The following ESRRG variants were observed in gnomAD, a reference collection of about 807,000 sequenced individuals.
ESRRG encodes estrogen related receptor gamma.
A neutral mutation model predicts 44.0 loss-of-function variants in ESRRG; 13 were observed. The ratio of observed to expected loss-of-function variants is 0.30; its 90% confidence interval spans 0.19 to 0.47. The LOEUF (loss-of-function observed/expected upper bound fraction) is 0.47, where lower values mean the gene tolerates loss of function less well. Among genes scored for constraint, ESRRG ranks in the 20% least tolerant of loss-of-function variants. The probability of loss-of-function intolerance (pLI) is 1.00; values close to 1 mark genes in which losing one functional copy is unlikely to be tolerated. For synonymous variants in ESRRG, 215 were observed against 214.6 expected (o/e 1.00, Z -0.02); for missense variants, 395 against 580.6 (o/e 0.68, Z 3.29).
chr1:216,889,894 A>G (rs11572531), intron 2 of ESRRG, among the ~76,000 whole-genome samples: 3,433 of 152,316 alleles, frequency 0.023, 52 homozygotes, highest in Non-Finnish European at 0.037. Context: ...TACTTTAACC[A>G]GGTTAAAAAT....
At position 217,062,136 on chromosome 1, in the gene ESRRG, A is replaced by G. The variant is rs149464725; in HGVS notation, c.-106+27371T>C. On this transcript the variant is annotated intron_variant, in intron 1 of 7. Coordinates refer to the ESRRG transcript ENST00000359162. ...AATCTCAAGCCCAAGTTAAGTGCCA[A>G]CTTAAAATGGATTCCCGAGACACCC... 1.9e-3 allele frequency among the ~76,000 whole-genome samples: 296 copies of G among 152,290 alleles called. 1 individual carries two copies. The highest frequency in any genetic ancestry group is 6.9e-3 in the African/African-American group (285 of 41,548).
At chr1:216,950,244 G>A (rs566590628) in intron 1 of ESRRG, among the ~76,000 whole-genome samples, 7 of 152,236 alleles carry the variant, frequency 4.6e-5, no homozygotes, top group African/African-American at 7.2e-5. Flanking sequence ...TTCCATAATC[G>A]TATGTTGAAT....
intron 1 of ESRRG, among the ~76,000 whole-genome samples, chr1:217,026,644 C>A (rs2081211648): frequency 1.3e-5 from 2 of 152,056 alleles, no homozygotes; most frequent in East Asian, 1.9e-4. Flanking sequence ...CCTTTCCTGG[C>A]AAATCTGCCT....
At chr1:216,877,156 T>C (rs1422918132) in intron 2 of ESRRG, among the ~76,000 whole-genome samples, 2 of 152,140 alleles carry the variant, frequency 1.3e-5, no homozygotes, top group African/African-American at 4.8e-5. Context: ...TCATGTTTCA[T>C]TATGATTATG....
At chr1:216,835,250 GGGCA>G (rs2095546194) in intron 2 of ESRRG, among the ~76,000 whole-genome samples, 1 of 152,070 alleles carries the variant, frequency 6.6e-6, no homozygotes, top group Admixed American at 6.6e-5. Flanking sequence ...TTCACAAATC[GGGCA>G]GCCCCCAGAA....
At chr1:216,781,915 C>T (rs1292141654) in intron 2 of ESRRG, among the ~76,000 whole-genome samples, 1 of 152,002 alleles carries the variant, frequency 6.6e-6, no homozygotes, top group Admixed American at 6.6e-5. Flanking sequence ...TTCAAGGTGA[C>T]AAGCCTCTGA....
intron 2 of ESRRG, chr1:216,805,088 C>T (rs1272843932): frequency 6.6e-6 from 1 of 152,168 alleles, no homozygotes; most frequent in Non-Finnish European, 1.5e-5. Context: ...ACACCACGAA[C>T]ATGTGAAAAC....
intron 5 of ESRRG, among the ~76,000 whole-genome samples, chr1:216,521,994 C>G (rs1313175392): frequency 2.0e-5 from 3 of 152,022 alleles, no homozygotes; most frequent in Admixed American, 6.6e-5. Context: ...GCACCGGGCC[C>G]CCTTTGTCCC....
intron 3 of ESRRG, among the ~76,000 whole-genome samples, chr1:216,579,534 C>T (rs182253815): frequency 5.9e-5 from 9 of 152,140 alleles, no homozygotes; most frequent in South Asian, 2.1e-4. Flanking sequence ...CTGAGTGAAA[C>T]GTGTGAAAAT....
intron 2 of ESRRG, among the ~76,000 whole-genome samples, chr1:216,826,230 C>T (rs941609873): frequency 4.7e-5 from 7 of 149,856 alleles, no homozygotes; most frequent in African/African-American, 7.3e-5. Context: ...TAGGGACATA[C>T]GGACGGCATG....
chr1:216,879,484 C>CAAAAAAAAAAAAAAAAAAA (rs755104959), intron 2 of ESRRG, among the ~76,000 whole-genome samples: 4 of 89,436 alleles, frequency 4.5e-5, no homozygotes, highest in Non-Finnish European at 9.1e-5. Flanking sequence ...AAAAGGCCAC[C>CAAAAAAAAAAAAAAAAAAA]AAAAAAAAAA....
chr1:216,823,660 T>C (rs2148648668), intron 2 of ESRRG, among the ~76,000 whole-genome samples: 1 of 152,290 alleles, frequency 6.6e-6, no homozygotes, highest in East Asian at 1.9e-4. Context: ...TTCTAGCTTG[T>C]CTCAACTTTC....
intron 3 of ESRRG, among the ~76,000 whole-genome samples, chr1:216,634,821 G>A (rs1013442932): frequency 6.6e-6 from 1 of 152,096 alleles, no homozygotes; most frequent in African/African-American, 2.4e-5. Context: ...ACATCATTCT[G>A]GCCTGATCAG....
At chr1:217,002,082 A>T (rs1284073899) in intron 1 of ESRRG, among the ~76,000 whole-genome samples, 3 of 152,022 alleles carry the variant, frequency 2.0e-5, no homozygotes, top group Admixed American at 2.0e-4. Flanking sequence ...CTGGTGGATC[A>T]CTTGAGGCCA....
chr1:216,687,026 C>CGCGT, intron 1 of ESRRG, among the ~76,000 whole-genome samples: 2 of 149,236 alleles, frequency 1.3e-5, no homozygotes, highest in South Asian at 4.3e-4. Context: ...TGGCAGGGCC[C>CGCGT]GTGTGTGTGT....
At chr1:216,783,774 T>A (rs773805775) in intron 2 of ESRRG, among the ~76,000 whole-genome samples, 4 of 151,982 alleles carry the variant, frequency 2.6e-5, no homozygotes, top group Non-Finnish European at 5.9e-5. Context: ...CCAAAATTCT[T>A]CCCATAGGAC....
At chr1:216,880,286 GACA>G (rs917535347) in intron 2 of ESRRG, among the ~76,000 whole-genome samples, 3 of 99,698 alleles carry the variant, frequency 3.0e-5, no homozygotes, top group Admixed American at 1.7e-4. Context: ...CAGCCTGAGC[GACA>G]ACAAGCCTCC....
chr1:216,599,243 C>T (rs1211751779), intron 3 of ESRRG, among the ~76,000 whole-genome samples: 1 of 152,080 alleles, frequency 6.6e-6, no homozygotes, highest in African/African-American at 2.4e-5. Flanking sequence ...TATACCAAAG[C>T]TAGTACTGGT....
chr1:216,815,209 A>G (rs182647202), intron 2 of ESRRG, among the ~76,000 whole-genome samples: 140 of 152,322 alleles, frequency 9.2e-4, no homozygotes, highest in African/African-American at 3.0e-3. Context: ...TGAGAGCTTC[A>G]CTGTGCTGAC....
Sources: allele counts gnomAD v4.1 joint callset (sites outside exome capture counted in the v4.1 genomes callset), GRCh38; gene constraint gnomAD v4.1.1; transcripts MANE v1.5; gene names NCBI Gene and HGNC (gene_info 2026-07-23, HGNC 2026-07-21).